The following RAD18 variants were observed in gnomAD, a reference collection of about 807,000 sequenced individuals.
The protein encoded by RAD18 is RAD18 E3 ubiquitin protein ligase, also known as E3 ubiquitin-protein ligase RAD18.
RAD18 carries 47 observed loss-of-function variants against 60.4 expected under a neutral mutation model. The ratio of observed to expected loss-of-function variants is 0.78; its 90% CI spans 0.62 to 0.99. The LOEUF (loss-of-function observed/expected upper bound fraction) is 0.99, where lower values mean the gene tolerates loss of function less well. Ranked by LOEUF, RAD18 falls within the 50% of genes least tolerant of loss-of-function variation. RAD18 has a pLI of 0.00. For synonymous variants in RAD18, 225 were observed against 195.5 expected (o/e 1.15, Z -1.26); for missense variants, 640 against 593.3 (o/e 1.08, Z -0.82).
chr3:8,885,495 A>G (rs1376798424), intron 12 of RAD18, among the ~76,000 whole-genome samples: 1 of 152,210 alleles, frequency 6.6e-6, no homozygotes, highest in African/African-American at 2.4e-5. Context: ...AGAGACAAAG[A>G]GTTAGCAAGA....
chr3:8,940,805 T>C (rs781659163), intron 5 of RAD18, among the ~76,000 whole-genome samples: 1 of 152,226 alleles, frequency 6.6e-6, no homozygotes, highest in Non-Finnish European at 1.5e-5. Context: ...CCGGCAAACA[T>C]TCTTAGTGAA....
chr3:8,926,168 G>A (rs1012035683), intron 7 of RAD18, among the ~76,000 whole-genome samples: 3 of 152,046 alleles, frequency 2.0e-5, no homozygotes, highest in Admixed American at 6.6e-5. Context: ...AAACCCCATC[G>A]TCTCAGCCCA....
chr3:8,889,468 A>T (rs111737765), intron 12 of RAD18, among the ~76,000 whole-genome samples: 27 of 152,344 alleles, frequency 1.8e-4, no homozygotes, highest in African/African-American at 4.8e-4. Context: ...TGATGGACAA[A>T]CAAATAATCA....
At chr3:8,953,370 T>A (rs1469294961) in intron 2 of RAD18, among the ~76,000 whole-genome samples, 2 of 152,076 alleles carry the variant, frequency 1.3e-5, no homozygotes, top group Non-Finnish European at 2.9e-5. Flanking sequence ...ATCTTGTATA[T>A]CTTTCCTCTT....
In RAD18 at chr3:8,963,389, C is replaced by A. The variant is rs776312344; in HGVS notation, c.-4G>T. On this transcript the variant is annotated 5_prime_UTR_variant, in exon 1 of 13. Coordinates refer to ENST00000264926, the MANE Select transcript of RAD18 (RefSeq NM_020165.4). The stretch of plus-strand genomic sequence containing the variant: ...GAGACTCGGCCAGGGAGTCCATGGT[C>A]GCTCCCGAGGATGCTGGGGGTCAGC... 1 of 1,601,418 alleles carries A rather than the reference C, an allele frequency of 6.2e-7. No individual in the cohort carries two copies. Among genetic ancestry groups the A allele is most frequent in the South Asian group, 1.1e-5 (1 of 89,374 alleles).
At chr3:8,946,365 G>T (rs781479727) in intron 4 of RAD18, among the ~76,000 whole-genome samples, 1 of 152,206 alleles carries the variant, frequency 6.6e-6, no homozygotes, top group African/African-American at 2.4e-5. Context: ...TAAGTACACC[G>T]TATGATGTTC....
chr3:8,952,379 C>A (rs985131605), intron 2 of RAD18, among the ~76,000 whole-genome samples: 2 of 152,102 alleles, frequency 1.3e-5, no homozygotes, highest in Non-Finnish European at 2.9e-5. Context: ...GTCTCCTGAG[C>A]AATACTGTAA....
intron 1 of RAD18, among the ~76,000 whole-genome samples, chr3:8,961,159 G>A (rs1391672252): frequency 1.3e-5 from 2 of 152,208 alleles, no homozygotes; most frequent in Non-Finnish European, 2.9e-5. Context: ...AATTGTGGAA[G>A]TTGACACTAC....
intron 9 of RAD18, 87 bp downstream of exon 9, chr3:8,912,225 A>G: frequency 9.6e-7 from 1 of 1,040,716 alleles, no homozygotes; most frequent in East Asian, 2.7e-5. Context: ...ATTGAACCTT[A>G]ATATAAAACA....
chr3:8,947,021 A>G, intron 4 of RAD18, 199 bp downstream of exon 4: 2 of 544,946 alleles, frequency 3.7e-6, no homozygotes, highest in East Asian at 6.1e-5. Context: ...ATTCTATACT[A>G]CAGGAGAATT....
intron 7 of RAD18, among the ~76,000 whole-genome samples, chr3:8,917,069 A>C (rs145934755): frequency 0.026 from 3,951 of 152,322 alleles, 77 homozygotes; most frequent in Non-Finnish European, 0.039. Context: ...TCATGTGGCC[A>C]TCAGAGGAAA....
At chr3:8,885,670 A>G (rs923041745) in intron 12 of RAD18, among the ~76,000 whole-genome samples, 11 of 152,192 alleles carry the variant, frequency 7.2e-5, no homozygotes, top group Non-Finnish European at 1.3e-4. Context: ...GAAGAGGGAA[A>G]AGGGATTTAG....
Position 8,963,451 on chromosome 3 carries a change from A to G in RAD18, c.-66T>C. On this transcript the variant is annotated 5_prime_UTR_variant, in exon 1 of 13. Transcript: ENST00000264926. ...CTCCGGCGCTCCAACACCACTCGAA[A>G]TTCCCCGCGCTACCGCATTACGTCA... The G allele has an allele frequency of 7.0e-7, 1 of 1,425,568 alleles. No individual in the cohort carries two copies. The highest frequency in any genetic ancestry group is 1.3e-5 in the South Asian group (1 of 79,842). 88.3% of individuals were successfully genotyped at this position (1,425,568 alleles called of 1,614,324 possible).
intron 9 of RAD18, among the ~76,000 whole-genome samples, chr3:8,906,898 G>C (rs1269440343): frequency 2.0e-5 from 3 of 151,448 alleles, no homozygotes; most frequent in African/African-American, 7.3e-5. Flanking sequence ...TTGACCTATG[G>C]GTTATTTCGA....
Position 8,922,832 on chromosome 3 carries a change from C to A in RAD18, c.890-9112G>T, listed in dbSNP as rs891683588. On this transcript the variant is annotated intron_variant, in intron 7 of 12. Transcript: ENST00000264926. Reference sequence around the variant, plus strand: ...GTCTGGAGTGGACCTCTGGCAAACTCCAACAGACCTGCAGCTGAGGGTCCT... The same window carrying A: ...GTCTGGAGTGGACCTCTGGCAAACTACAACAGACCTGCAGCTGAGGGTCCT... 3.9e-5 allele frequency among the ~76,000 whole-genome samples: 6 copies of A among 152,186 alleles called. No individual in the cohort carries two copies. The South Asian group carries it at 1.2e-3, about 32-fold the overall frequency.
intron 5 of RAD18, 47 bp from the exon 6 acceptor site, chr3:8,939,700 G>C (rs768257742): frequency 6.7e-7 from 1 of 1,492,070 alleles, no homozygotes; most frequent in Non-Finnish European, 9.2e-7. Flanking sequence ...ATTGTAGAAG[G>C]GGCAAAAGTA....
At position 8,948,675 on chromosome 3, in the gene RAD18, G is replaced by C. The variant is rs1337626531; in HGVS notation, c.134-105C>G. On this transcript the variant is annotated intron_variant, in intron 2 of 12. Transcript: ENST00000264926. Reference sequence around the variant, plus strand: ...GCCCTAGACTATTTCCGTCATCTAAGGTATATCATCATAAGCTTAAATTTC... The same window carrying C: ...GCCCTAGACTATTTCCGTCATCTAACGTATATCATCATAAGCTTAAATTTC... The C allele has an allele frequency of 3.3e-6, 3 of 909,474 alleles. No homozygotes were observed. In the East Asian group the frequency reaches 7.7e-5, roughly 23 times the overall value. The allele number at this position is 909,474 out of a possible 1,614,324, so 56.3% of individuals were successfully genotyped here.
At chr3:8,891,710 A>T (rs1365003836) in intron 11 of RAD18, among the ~76,000 whole-genome samples, 1 of 152,192 alleles carries the variant, frequency 6.6e-6, no homozygotes. Flanking sequence ...CCTGAATGAT[A>T]ACCAAATCAC....
At chr3:8,938,619 C>T (rs759857028) in intron 6 of RAD18, among the ~76,000 whole-genome samples, 5 of 152,132 alleles carry the variant, frequency 3.3e-5, no homozygotes, top group Non-Finnish European at 7.4e-5. Flanking sequence ...TTCTGCATGT[C>T]AAGGATAACC....
Sources: gnomAD v4.1 joint callset for allele counts (sites outside exome capture counted in the v4.1 genomes callset) on GRCh38, gnomAD v4.1.1 for gene constraint, MANE v1.5 for transcripts, NCBI Gene and HGNC (gene_info 2026-07-23, HGNC 2026-07-21) for gene names.